Variants in CPNE4 observed in about 807,000 individuals in gnomAD.
CPNE4 encodes the protein copine 4.
Under a neutral mutation model 67.9 loss-of-function variants are expected in CPNE4, and 25 were observed. The ratio of observed to expected loss-of-function variants is 0.37; its 90% confidence interval spans 0.27 to 0.51. The LOEUF (loss-of-function observed/expected upper bound fraction) is 0.51. Ranked by LOEUF, CPNE4 falls within the 20% of genes least tolerant of loss-of-function variation. The pLI is 0.93. For synonymous variants in CPNE4, 242 were observed against 244.9 expected, an observed-to-expected ratio of 0.99 and a Z score of 0.11; for missense variants, 464 against 690.8, an observed-to-expected ratio of 0.67 and a Z score of 3.68.
At chr3:131,705,697 G>A (rs1305943989) in intron 3 of CPNE4, among the ~76,000 whole-genome samples, 2 of 152,146 alleles carry the variant, frequency 1.3e-5, no homozygotes, top group Non-Finnish European at 2.9e-5. Flanking sequence ...AGAGCAATAG[G>A]TATTCCATTA....
At chr3:132,031,568 A>T (rs1467458868) in intron 1 of CPNE4, among the ~76,000 whole-genome samples, 1 of 152,200 alleles carries the variant, frequency 6.6e-6, no homozygotes, top group African/African-American at 2.4e-5. Context: ...ACCACTCTGA[A>T]AATGTGTGGT....
chr3:131,875,561 C>T (rs959778173), intron 2 of CPNE4, among the ~76,000 whole-genome samples: 1 of 152,012 alleles, frequency 6.6e-6, no homozygotes, highest in African/African-American at 2.4e-5. Flanking sequence ...AACCATCATT[C>T]TCAGCAAACT....
At chr3:131,648,412 T>G (rs1390107591) in intron 7 of CPNE4, among the ~76,000 whole-genome samples, 1 of 152,116 alleles carries the variant, frequency 6.6e-6, no homozygotes, top group East Asian at 1.9e-4. Context: ...ACCTATCTGC[T>G]TATTCATGGA....
At chr3:131,560,994 A>G (rs1376538973) in intron 11 of CPNE4, among the ~76,000 whole-genome samples, 3 of 152,068 alleles carry the variant, frequency 2.0e-5, no homozygotes, top group Non-Finnish European at 2.9e-5. Context: ...ACTGCTCTAC[A>G]CTTGAAAATA....
intron 2 of CPNE4, among the ~76,000 whole-genome samples, chr3:131,851,308 C>T (rs1377118301): frequency 6.6e-6 from 1 of 151,946 alleles, no homozygotes; most frequent in Non-Finnish European, 1.5e-5. Flanking sequence ...TATTTTTAAT[C>T]TCTCCTTAAC....
chr3:131,959,297 G>C (rs200494048), intron 1 of CPNE4, among the ~76,000 whole-genome samples: 1 of 28,348 alleles, frequency 3.5e-5, no homozygotes, highest in Admixed American at 5.8e-4. Context: ...ACCGCGCCCG[G>C]CCGATACACC....
At chr3:131,941,477 T>C (rs955716917) in intron 1 of CPNE4, among the ~76,000 whole-genome samples, 1 of 152,068 alleles carries the variant, frequency 6.6e-6, no homozygotes, top group Non-Finnish European at 1.5e-5. Flanking sequence ...TAAGAGCTGA[T>C]TGTTAAACAT....
chr3:131,554,153 G>A (rs1280947209), intron 12 of CPNE4, among the ~76,000 whole-genome samples: 1 of 152,056 alleles, frequency 6.6e-6, no homozygotes, highest in Non-Finnish European at 1.5e-5. Context: ...GAATCCCTGG[G>A]TAGTTGGGCT....
chr3:131,701,619 G>A (rs1391114018), intron 3 of CPNE4, among the ~76,000 whole-genome samples: 2 of 152,160 alleles, frequency 1.3e-5, no homozygotes, highest in East Asian at 3.9e-4. Flanking sequence ...CATGTGGCAA[G>A]AAACTGAAGT....
At chr3:131,639,704 A>C (rs2079490417) in intron 7 of CPNE4, among the ~76,000 whole-genome samples, 1 of 152,126 alleles carries the variant, frequency 6.6e-6, no homozygotes. Context: ...GATACAACAA[A>C]AAAGGGAAAC....
chr3:131,604,766 T>TTA (rs146333280), intron 7 of CPNE4, among the ~76,000 whole-genome samples: 26 of 151,358 alleles, frequency 1.7e-4, no homozygotes, highest in East Asian at 5.8e-4. Flanking sequence ...AAACTCCCCT[T>TTA]TATATATATA....
At chr3:131,874,290 A>G (rs2087345157) in intron 2 of CPNE4, among the ~76,000 whole-genome samples, 1 of 152,046 alleles carries the variant, frequency 6.6e-6, no homozygotes, top group Non-Finnish European at 1.5e-5. Context: ...GGGTTGCACC[A>G]TGTTAGCCAG....
chr3:131,748,618 C>G (rs1051035475), intron 2 of CPNE4, among the ~76,000 whole-genome samples: 4 of 151,992 alleles, frequency 2.6e-5, no homozygotes, highest in African/African-American at 9.7e-5. Context: ...TGTTATAGGA[C>G]TAGTCAAATT....
At chr3:131,723,387 G>A in intron 3 of CPNE4, 59 bp downstream of exon 3, 1 of 1,431,816 alleles carries the variant, frequency 7.0e-7, no homozygotes, top group East Asian at 2.3e-5. Context: ...AGAGGGAAAG[G>A]GGGCAGGAAG....
chr3:131,739,854 C>G (rs772093137), intron 2 of CPNE4, among the ~76,000 whole-genome samples: 1 of 152,298 alleles, frequency 6.6e-6, no homozygotes, highest in Non-Finnish European at 1.5e-5. Flanking sequence ...AACACAAAGC[C>G]AGTTTTTCTG....
At position 131,691,183 on chromosome 3, in the gene CPNE4, A is replaced by AC. The variant is rs1401834440; in HGVS notation, c.508-5226dup. Among the ~76,000 whole-genome samples, 4 of 152,192 alleles carry AC rather than the reference A, an allele frequency of 2.6e-5. No individual in the cohort carries two copies. In the East Asian group the frequency reaches 7.7e-4, roughly 29 times the overall value. On this transcript the variant is annotated intron_variant, in intron 5 of 15. Coordinates refer to ENST00000429747, the MANE Select transcript of CPNE4 (RefSeq NM_130808.3). ...GAGCTTAAAACAGAACTACCGTTCA[A>AC]CCCAGCCATCCTATTACTGGTATAT... is the stretch of plus-strand genomic sequence containing the variant.
intron 7 of CPNE4, among the ~76,000 whole-genome samples, chr3:131,665,549 C>G (rs1246956951): frequency 6.6e-6 from 1 of 151,934 alleles, no homozygotes; most frequent in Non-Finnish European, 1.5e-5. Flanking sequence ...ATCATAGCTA[C>G]TCAGGAGGCC....
At chr3:131,929,255 T>A (rs1317994311) in intron 1 of CPNE4, among the ~76,000 whole-genome samples, 1 of 150,840 alleles carries the variant, frequency 6.6e-6, no homozygotes, top group Non-Finnish European at 1.5e-5. Context: ...ACCAATCATT[T>A]GGTGGCAGCA....
chr3:131,690,081 G>A (rs776524506), intron 5 of CPNE4, among the ~76,000 whole-genome samples: 12 of 152,090 alleles, frequency 7.9e-5, no homozygotes, highest in Non-Finnish European at 1.5e-4. Context: ...CTCATGGATC[G>A]GAAGAATCAA....
Sources: gnomAD v4.1 joint callset for allele counts (sites outside exome capture counted in the v4.1 genomes callset) on GRCh38, gnomAD v4.1.1 for gene constraint, MANE v1.5 for transcripts, NCBI Gene and HGNC (gene_info 2026-07-23, HGNC 2026-07-21) for gene names.